Variants in SLC35F1 observed in about 807,000 individuals in gnomAD.
The protein encoded by SLC35F1 is solute carrier family 35 member F1.
SLC35F1 carries 14 observed loss-of-function variants against 48.7 expected under a neutral mutation model. The ratio of observed to expected loss-of-function variants is 0.29; its 90% CI spans 0.19 to 0.45. The LOEUF (loss-of-function observed/expected upper bound fraction) is 0.45, where lower values mean the gene tolerates loss of function less well. Among genes scored for constraint, SLC35F1 ranks in the 20% least tolerant of loss-of-function variants. The pLI is 1.00. For synonymous variants in SLC35F1, 190 were observed against 202.2 expected (o/e 0.94, Z 0.51); for missense variants, 404 against 500.0 (o/e 0.81, Z 1.83).
intron 1 of SLC35F1, among the ~76,000 whole-genome samples, chr6:117,961,096 TG>T (rs1395530932): frequency 1.3e-5 from 2 of 152,214 alleles, no homozygotes; most frequent in African/African-American, 4.8e-5. Flanking sequence ...TTCTCTTAAG[TG>T]AATCACACAT....
chr6:118,163,224 A>G (rs183294867), intron 2 of SLC35F1, among the ~76,000 whole-genome samples: 1 of 152,240 alleles, frequency 6.6e-6, no homozygotes, highest in East Asian at 1.9e-4. Context: ...TCGGCCTCCC[A>G]AAGTGCTGGG....
chr6:117,934,173 C>T (rs1776136376), intron 1 of SLC35F1, among the ~76,000 whole-genome samples: 2 of 152,140 alleles, frequency 1.3e-5, no homozygotes. Context: ...TTTTTAACCG[C>T]TCCTTGTAAA....
intron 2 of SLC35F1, among the ~76,000 whole-genome samples, chr6:118,165,259 G>A (rs577724917): frequency 6.6e-6 from 1 of 152,272 alleles, no homozygotes; most frequent in Admixed American, 6.5e-5. Flanking sequence ...CCTTGTTTGT[G>A]TGTGTGTGTT....
chr6:117,970,174 T>C (rs1024754591), intron 1 of SLC35F1, among the ~76,000 whole-genome samples: 6 of 152,212 alleles, frequency 3.9e-5, no homozygotes, highest in African/African-American at 1.2e-4. Flanking sequence ...ATCATGCCAG[T>C]GACTCTGCCA....
At chr6:117,942,774 C>T (rs1233960277) in intron 1 of SLC35F1, among the ~76,000 whole-genome samples, 1 of 152,274 alleles carries the variant, frequency 6.6e-6, no homozygotes, top group African/African-American at 2.4e-5. Context: ...TCTACTAAAT[C>T]TAGTTTTCTA....
chr6:117,970,610 T>C (rs1776626130), intron 1 of SLC35F1, among the ~76,000 whole-genome samples: 1 of 152,126 alleles, frequency 6.6e-6, no homozygotes, highest in Non-Finnish European at 1.5e-5. Context: ...CTGGGTAATT[T>C]ATAAAGAAAA....
chr6:118,112,723 T>C (rs1175130077), intron 1 of SLC35F1, among the ~76,000 whole-genome samples: 1 of 152,120 alleles, frequency 6.6e-6, no homozygotes, highest in Non-Finnish European at 1.5e-5. Context: ...AAAAATATAA[T>C]TGATATACTA....
chr6:118,274,199 A>C (rs1395005188), intron 4 of SLC35F1, among the ~76,000 whole-genome samples: 4 of 152,086 alleles, frequency 2.6e-5, no homozygotes. Flanking sequence ...GAGCTCCTGC[A>C]CTGCTGACTT....
chr6:118,130,094 T>C (rs1562298630), intron 1 of SLC35F1, among the ~76,000 whole-genome samples: 1 of 152,194 alleles, frequency 6.6e-6, no homozygotes, highest in Non-Finnish European at 1.5e-5. Context: ...CAGTTTGAGA[T>C]ATTTGTCTTC....
chr6:118,247,596 C>T (rs531230695), intron 3 of SLC35F1, among the ~76,000 whole-genome samples: 1 of 152,236 alleles, frequency 6.6e-6, no homozygotes, highest in African/African-American at 2.4e-5. Flanking sequence ...ATCAAAAAGT[C>T]ATTTTGTGCT....
chr6:118,242,029 G>A (rs886385820), intron 3 of SLC35F1, among the ~76,000 whole-genome samples: 4 of 152,318 alleles, frequency 2.6e-5, no homozygotes, highest in South Asian at 2.1e-4. Context: ...AAGCTGCTGT[G>A]AACATTCATG....
chr6:118,257,959 C>T (rs1043895359), intron 3 of SLC35F1, among the ~76,000 whole-genome samples: 1 of 152,098 alleles, frequency 6.6e-6, no homozygotes, highest in Non-Finnish European at 1.5e-5. Flanking sequence ...GCATATAAGT[C>T]AGAAAACATA....
intron 1 of SLC35F1, among the ~76,000 whole-genome samples, chr6:118,092,419 T>C (rs1773087959): frequency 6.6e-6 from 1 of 152,174 alleles, no homozygotes; most frequent in African/African-American, 2.4e-5. Flanking sequence ...AGAAGTTTGG[T>C]GCATGGGCAA....
At chr6:118,253,170 G>A (rs1775597928) in intron 3 of SLC35F1, among the ~76,000 whole-genome samples, 1 of 152,046 alleles carries the variant, frequency 6.6e-6, no homozygotes, top group Admixed American at 6.6e-5. Flanking sequence ...GAGACATTAT[G>A]GCAAAATCCT....
At chr6:118,313,859 C>A (rs1776398947) in intron 7 of SLC35F1, among the ~76,000 whole-genome samples, 169 bp from the exon 8 acceptor site, 1 of 152,176 alleles carries the variant, frequency 6.6e-6, no homozygotes, top group Non-Finnish European at 1.5e-5. Flanking sequence ...ATCAATAGGA[C>A]CAAGCCAGTT....
At chr6:118,277,009 A>G (rs1428946805) in intron 5 of SLC35F1, among the ~76,000 whole-genome samples, 1 of 152,170 alleles carries the variant, frequency 6.6e-6, no homozygotes, top group Non-Finnish European at 1.5e-5. Flanking sequence ...ACATCCATGG[A>G]TCTCACCGGA....
intron 1 of SLC35F1, among the ~76,000 whole-genome samples, chr6:118,001,081 C>G (rs2114867304): frequency 6.6e-6 from 1 of 152,136 alleles, no homozygotes; most frequent in South Asian, 2.1e-4. Context: ...ACTTTCTTCA[C>G]AGAATTGGAA....
At chr6:117,937,453 A>C (rs1425508513) in intron 1 of SLC35F1, among the ~76,000 whole-genome samples, 2 of 152,364 alleles carry the variant, frequency 1.3e-5, no homozygotes. Context: ...TGCTAAATTT[A>C]CTGTCATTAT....
chr6:118,267,843 A>G (rs1775794340), intron 4 of SLC35F1, among the ~76,000 whole-genome samples: 2 of 152,324 alleles, frequency 1.3e-5, no homozygotes, highest in Middle Eastern at 6.8e-3. Context: ...GCCCTGAGTC[A>G]GGGTGGTTTC....
Sources: allele counts gnomAD v4.1 joint callset (sites outside exome capture counted in the v4.1 genomes callset), GRCh38; gene constraint gnomAD v4.1.1; transcripts MANE v1.5; gene names NCBI Gene and HGNC (gene_info 2026-07-23, HGNC 2026-07-21).